LARGE1: variants seen among roughly 807,000 people sequenced by gnomAD.
LARGE1 encodes xylosyl- and glucuronyltransferase LARGE1.
Under a neutral mutation model 87.6 loss-of-function variants are expected in LARGE1, and 43 were observed. That is an observed-to-expected ratio of 0.49 (90% CI 0.38 to 0.63). The LOEUF (loss-of-function observed/expected upper bound fraction) is 0.63, where lower values mean the gene tolerates loss of function less well. Ranked by LOEUF, LARGE1 falls within the 30% of genes least tolerant of loss-of-function variation. The probability of loss-of-function intolerance (pLI) is 0.00; values close to 1 mark genes in which losing one functional copy is unlikely to be tolerated. For missense variants in LARGE1, 802 were observed against 1,000.2 expected (o/e 0.80, Z 2.67); for synonymous variants, 434 against 394.6 (o/e 1.10, Z -1.18).
At chr22:33,349,109 A>T (rs1173763926) in intron 9 of LARGE1, among the ~76,000 whole-genome samples, 4 of 152,096 alleles carry the variant, frequency 2.6e-5, no homozygotes, top group African/African-American at 9.7e-5. Context: ...CCAGTCTCAG[A>T]TATTTCTTCA....
At chr22:33,820,047 A>T (rs1045930476) in intron 1 of LARGE1, among the ~76,000 whole-genome samples, 1 of 152,002 alleles carries the variant, frequency 6.6e-6, no homozygotes, top group African/African-American at 2.4e-5. Context: ...TGGAGCAGAG[A>T]CACCTCCCCT....
At position 33,172,849 on chromosome 22, in the gene LARGE1, C is replaced by T. The variant is rs139122773; in HGVS notation, c.1731-6017G>A. On this transcript the variant is annotated intron_variant, in intron 11 of 11. Transcript: ENST00000608642. The stretch of plus-strand genomic sequence containing the variant: ...AAATGAACAAAGCCTCCAAGAAATA[C>T]GGGGCTATGTGAAAAGACCAAATCT... 1.0e-3 allele frequency among the ~76,000 whole-genome samples: 159 copies of T among 152,126 alleles called. 2 individuals carry two copies. The Middle Eastern group carries it at 0.017, about 16-fold the overall frequency.
At chr22:33,876,502 G>C (rs990316462) in intron 1 of LARGE1, among the ~76,000 whole-genome samples, 1 of 138,498 alleles carries the variant, frequency 7.2e-6, no homozygotes, top group African/African-American at 2.5e-5. Flanking sequence ...TTTGCTGCTG[G>C]TATAATATGC....
intron 6 of LARGE1, among the ~76,000 whole-genome samples, chr22:33,554,278 C>G (rs970538578): frequency 5.3e-5 from 8 of 152,186 alleles, no homozygotes; most frequent in Non-Finnish European, 1.2e-4. Flanking sequence ...CAAATCCCCT[C>G]TGCTGTCCCT....
At chr22:33,106,842 A>G in the LARGE1 span, among the ~76,000 whole-genome samples, 4 of 152,188 alleles carry the variant, frequency 2.6e-5, no homozygotes, top group Non-Finnish European at 5.9e-5. Flanking sequence ...TTTTGCACCA[A>G]CCAAATAGAT....
intron 6 of LARGE1, among the ~76,000 whole-genome samples, chr22:33,552,790 C>T (rs781744599): frequency 3.1e-4 from 47 of 152,126 alleles, no homozygotes; most frequent in Non-Finnish European, 4.3e-4. Context: ...ATCTCAGTTT[C>T]GGAAATGGGA....
At chr22:33,435,657 T>C (rs1373957314) in intron 6 of LARGE1, among the ~76,000 whole-genome samples, 1 of 152,102 alleles carries the variant, frequency 6.6e-6, no homozygotes, top group African/African-American at 2.4e-5. Context: ...CTTGGGGTGC[T>C]CTACATAAGG....
At chr22:33,474,814 G>A (rs2069001615) in intron 6 of LARGE1, among the ~76,000 whole-genome samples, 1 of 152,196 alleles carries the variant, frequency 6.6e-6, no homozygotes, top group Non-Finnish European at 1.5e-5. Flanking sequence ...GCTAGCTGAT[G>A]TCCCCAGAGA....
chr22:33,080,362 C>A, the LARGE1 span, among the ~76,000 whole-genome samples: 1 of 152,160 alleles, frequency 6.6e-6, no homozygotes, highest in Non-Finnish European at 1.5e-5. Flanking sequence ...GTTTCTCACT[C>A]GTGCTCTTTG....
chr22:33,131,398 T>C, the LARGE1 span, among the ~76,000 whole-genome samples: 89 of 152,222 alleles, frequency 5.8e-4, no homozygotes, highest in Middle Eastern at 3.4e-3. Context: ...TCCCAGATGT[T>C]CTCTCATGTC....
chr22:33,791,428 CA>C (rs962349459), intron 1 of LARGE1, among the ~76,000 whole-genome samples: 5 of 152,036 alleles, frequency 3.3e-5, no homozygotes, highest in Non-Finnish European at 7.4e-5. Flanking sequence ...AGTCATATTA[CA>C]AAAAAATTTA....
chr22:33,686,343 C>T (rs1450743942), intron 2 of LARGE1, among the ~76,000 whole-genome samples: 1 of 151,850 alleles, frequency 6.6e-6, no homozygotes, highest in East Asian at 1.9e-4. Flanking sequence ...GGGTTCGAGA[C>T]CAGACTGGCC....
At chr22:33,898,728 T>G (rs1259043860) in intron 1 of LARGE1, among the ~76,000 whole-genome samples, 2 of 152,240 alleles carry the variant, frequency 1.3e-5, no homozygotes, top group Non-Finnish European at 2.9e-5. Context: ...CACTCCAGCC[T>G]GGGCAACGAG....
intron 11 of LARGE1, among the ~76,000 whole-genome samples, chr22:33,311,930 C>G (rs186143719): frequency 6.6e-6 from 1 of 152,158 alleles, no homozygotes; most frequent in Non-Finnish European, 1.5e-5. Flanking sequence ...AGAACACCAG[C>G]TGAGGATTGA....
chr22:33,664,738 C>T (rs547522583), intron 2 of LARGE1, among the ~76,000 whole-genome samples: 4 of 152,286 alleles, frequency 2.6e-5, no homozygotes, highest in African/African-American at 9.6e-5. Context: ...GTGGCACATG[C>T]CTATAGTCTC....
chr22:33,400,354 G>T (rs1480063049), intron 7 of LARGE1, among the ~76,000 whole-genome samples: 2 of 152,166 alleles, frequency 1.3e-5, no homozygotes, highest in African/African-American at 4.8e-5. Flanking sequence ...AAGAGCTGGG[G>T]TAGATGCAGT....
At chr22:33,514,375 T>C (rs2071201761) in intron 6 of LARGE1, among the ~76,000 whole-genome samples, 1 of 152,188 alleles carries the variant, frequency 6.6e-6, no homozygotes, top group Non-Finnish European at 1.5e-5. Context: ...CACATATGTA[T>C]CACAGGTGTA....
chr22:33,471,839 C>G (rs1317731113), intron 6 of LARGE1, among the ~76,000 whole-genome samples: 2 of 152,098 alleles, frequency 1.3e-5, no homozygotes, highest in East Asian at 3.9e-4. Context: ...TCTAGACCAG[C>G]CTGGCCAAGA....
At chr22:33,169,406 C>A (rs760001956) in intron 11 of LARGE1, among the ~76,000 whole-genome samples, 1 of 151,972 alleles carries the variant, frequency 6.6e-6, no homozygotes, top group Non-Finnish European at 1.5e-5. Flanking sequence ...AAGAAGGGAG[C>A]CAAATTAACA....
Sources: gnomAD v4.1 joint callset for allele counts (sites outside exome capture counted in the v4.1 genomes callset) on GRCh38, gnomAD v4.1.1 for gene constraint, MANE v1.5 for transcripts, NCBI Gene and HGNC (gene_info 2026-07-23, HGNC 2026-07-21) for gene names.